ATXN7L1: variants seen among roughly 807,000 people sequenced by gnomAD.
ATXN7L1 encodes ataxin 7 like 1.
Under a neutral mutation model 70.8 loss-of-function variants are expected in ATXN7L1, and 15 were observed. The ratio of observed to expected loss-of-function variants is 0.21; its 90% CI spans 0.14 to 0.33. The LOEUF (loss-of-function observed/expected upper bound fraction) is 0.33, where lower values mean the gene tolerates loss of function less well. Among genes scored for constraint, ATXN7L1 ranks in the 10% least tolerant of loss-of-function variants. The probability of loss-of-function intolerance (pLI) is 1.00; values close to 1 mark genes in which losing one functional copy is unlikely to be tolerated. For synonymous variants in ATXN7L1, 440 were observed against 445.1 expected (o/e 0.99, Z 0.14); for missense variants, 975 against 1,097.1 (o/e 0.89, Z 1.57).
At chr7:105,837,255 T>C (rs1456689268) in intron 2 of ATXN7L1, among the ~76,000 whole-genome samples, 5 of 152,020 alleles carry the variant, frequency 3.3e-5, no homozygotes, top group Admixed American at 3.3e-4. Flanking sequence ...TAACATGAGA[T>C]CTGGGTGGGG....
intron 2 of ATXN7L1, among the ~76,000 whole-genome samples, chr7:105,872,771 C>T (rs1434631699): frequency 1.3e-5 from 2 of 151,718 alleles, no homozygotes; most frequent in Non-Finnish European, 2.9e-5. Flanking sequence ...TATGAAAGTA[C>T]TTAGTGCCAC....
chr7:105,864,551 G>T (rs914741861), intron 2 of ATXN7L1, among the ~76,000 whole-genome samples: 1 of 151,530 alleles, frequency 6.6e-6, no homozygotes, highest in African/African-American at 2.4e-5. Flanking sequence ...GGGGCCGGGG[G>T]CACGAAGTAC....
chr7:105,755,835 C>T (rs1005101320), intron 3 of ATXN7L1, among the ~76,000 whole-genome samples: 7 of 152,150 alleles, frequency 4.6e-5, no homozygotes, highest in African/African-American at 9.7e-5. Flanking sequence ...GAACACCACA[C>T]GAAAGAGATG....
chr7:105,826,579 T>C (rs1030678602), intron 2 of ATXN7L1, among the ~76,000 whole-genome samples: 4 of 152,064 alleles, frequency 2.6e-5, no homozygotes, highest in African/African-American at 9.7e-5. Context: ...AGTCTTGTGA[T>C]TTGCCAGACA....
At chr7:105,689,041 A>T (rs1278207012) in intron 3 of ATXN7L1, among the ~76,000 whole-genome samples, 1 of 152,208 alleles carries the variant, frequency 6.6e-6, no homozygotes, top group Non-Finnish European at 1.5e-5. Context: ...CAAAGGTTTG[A>T]CGAAATTACA....
chr7:105,703,588 A>G (rs938180129), intron 3 of ATXN7L1, among the ~76,000 whole-genome samples: 2 of 152,182 alleles, frequency 1.3e-5, no homozygotes, highest in African/African-American at 2.4e-5. Flanking sequence ...TACTGGTGCA[A>G]TTAACGGTAT....
intron 3 of ATXN7L1, among the ~76,000 whole-genome samples, chr7:105,740,296 C>T (rs1442410013): frequency 6.6e-6 from 1 of 152,174 alleles, no homozygotes; most frequent in Non-Finnish European, 1.5e-5. Context: ...AACAAAGGGA[C>T]ACTGGTTGGG....
At chr7:105,709,877 C>CT (rs61680542) in intron 3 of ATXN7L1, among the ~76,000 whole-genome samples, 2,525 of 146,346 alleles carry the variant, frequency 0.017, 61 homozygotes, top group African/African-American at 0.053. Context: ...GCTTGCTTTG[C>CT]TTTTTTTTTT....
chr7:105,610,572 T>A lies in ATXN7L1; in HGVS notation c.2504A>T (p.Gln835Leu). ...VGKNSSLALS[Q>L]SSPSSISSPG... ...GCTGGATATACTTGAAGGACTGGATTGTGACAAAGCTAGGCTGCTATTTTT... is the reference window on the plus strand; with the variant it reads ...GCTGGATATACTTGAAGGACTGGATAGTGACAAAGCTAGGCTGCTATTTTT... The change falls in exon 11 of 12, where the codon CAA (glutamine) becomes CTA (leucine). Residue 835 changes from glutamine (Q) to leucine (L), a missense_variant. Around this residue, in one of 5 missense-constraint regions of ATXN7L1, gnomAD observed 635 missense variants for 699.4 expected, o/e 0.91. Transcript: ENST00000419735. The A allele has an allele frequency of 6.4e-7, 1 of 1,551,388 alleles. No individual in the cohort carries two copies. Among genetic ancestry groups the A allele is most frequent in the South Asian group, 1.2e-5 (1 of 84,046 alleles).
chr7:105,619,396 G>A (rs1294380511), intron 9 of ATXN7L1, among the ~76,000 whole-genome samples: 4 of 144,132 alleles, frequency 2.8e-5, no homozygotes, highest in Admixed American at 2.1e-4. Flanking sequence ...TGATCCGCTC[G>A]CCTCAGCCTC....
intron 3 of ATXN7L1, among the ~76,000 whole-genome samples, chr7:105,741,274 A>G (rs997907294): frequency 3.3e-5 from 5 of 152,194 alleles, no homozygotes; most frequent in African/African-American, 1.2e-4. Flanking sequence ...ATCCAACTCA[A>G]ATGACCTCAA....
intron 2 of ATXN7L1, among the ~76,000 whole-genome samples, chr7:105,865,522 C>T (rs1817281613): frequency 1.3e-5 from 2 of 152,068 alleles, no homozygotes; most frequent in Admixed American, 1.3e-4. Context: ...CTGCCTCAGC[C>T]TCCTGAGCAG....
chr7:105,735,220 T>C lies in ATXN7L1; in HGVS notation c.355+53384A>G, dbSNP rs1216425391. Among the ~76,000 whole-genome samples the C allele has an allele frequency of 2.0e-5, 3 of 152,200 alleles. No homozygotes were observed. The East Asian group carries it at 5.8e-4, about 29-fold the overall frequency. On this transcript the variant is annotated intron_variant, in intron 3 of 11. Coordinates refer to ENST00000419735, the MANE Select transcript of ATXN7L1 (RefSeq NM_020725.2). ...AATAATAATGATGATATCTGCTGGA[T>C]ACCTTTTATACAGTACTAGCTCAGC...
intron 4 of ATXN7L1, among the ~76,000 whole-genome samples, chr7:105,656,705 G>A (rs1166280510): frequency 3.3e-5 from 5 of 151,782 alleles, no homozygotes; most frequent in African/African-American, 9.7e-5. Flanking sequence ...CAAGTAGCTG[G>A]GATTACAGGT....
intron 2 of ATXN7L1, among the ~76,000 whole-genome samples, chr7:105,837,678 T>C (rs952705558): frequency 1.3e-5 from 2 of 151,964 alleles, no homozygotes; most frequent in African/African-American, 2.4e-5. Flanking sequence ...GGTGAACGCA[T>C]GAACAGGGAG....
At chr7:105,767,542 G>A (rs1801439861) in intron 3 of ATXN7L1, among the ~76,000 whole-genome samples, 1 of 152,208 alleles carries the variant, frequency 6.6e-6, no homozygotes. Context: ...CCAGAGAAGT[G>A]CCTTGCTGTG....
At position 105,624,100 on chromosome 7, in the gene ATXN7L1, G is replaced by C. The variant is rs1393788601; in HGVS notation, c.1370C>G (p.Ser457Cys). Reference sequence around the variant, plus strand: ...CGCCAGAGGTCTGGGGTGGTGCGTGGAGAACTGACAGTCTAGCTTCTCGGA... The same window carrying C: ...CGCCAGAGGTCTGGGGTGGTGCGTGCAGAACTGACAGTCTAGCTTCTCGGA... ...DESEKLDCQF[S>C]THHPRPLAFC... The change falls in exon 8 of 12, where the codon TCC becomes TGC. Residue 457 changes from serine (S) to cysteine (C), a missense_variant. Ser to Cys is a moderately radical substitution (Grantham distance 112, BLOSUM62 -1). This residue lies in a region of ATXN7L1 where 635 missense variants were observed against 699.4 expected (regional missense o/e 0.91). Transcript: ENST00000419735. 1.3e-6 allele frequency: 2 copies of C among 1,499,042 alleles called. No individual in the cohort carries two copies. The highest frequency in any genetic ancestry group is 2.6e-5 in the East Asian group (1 of 38,226). 92.9% of individuals were successfully genotyped at this position (1,499,042 alleles called of 1,614,324 possible). A position where few individuals can be genotyped will look rare whatever the true frequency, so the allele number is the denominator to read the frequency against.
chr7:105,657,676 C>A (rs558250853), intron 4 of ATXN7L1, among the ~76,000 whole-genome samples: 8 of 122,402 alleles, frequency 6.5e-5, no homozygotes, highest in Non-Finnish European at 1.1e-4. Flanking sequence ...CAGCCGCAGC[C>A]TGGGTGACAG....
At chr7:105,641,865 G>A (rs997873238) in intron 5 of ATXN7L1, among the ~76,000 whole-genome samples, 2 of 152,336 alleles carry the variant, frequency 1.3e-5, no homozygotes, top group African/African-American at 4.8e-5. Context: ...ATTTTAAAAA[G>A]AGTTACAGAT....
Sources: allele counts gnomAD v4.1 joint callset (sites outside exome capture counted in the v4.1 genomes callset), GRCh38; gene constraint gnomAD v4.1.1; regional missense constraint gnomAD v4.1.1; transcripts MANE v1.5; gene names NCBI Gene and HGNC (gene_info 2026-07-23, HGNC 2026-07-21).